Variants in HIVEP1 observed in about 807,000 individuals in gnomAD.
The protein encoded by HIVEP1 is HIVEP zinc finger 1.
A neutral mutation model predicts 180.0 loss-of-function variants in HIVEP1; 36 were observed. The ratio of observed to expected loss-of-function variants is 0.20; its 90% CI spans 0.15 to 0.26. The LOEUF is 0.26. Among genes scored for constraint, HIVEP1 ranks in the 10% least tolerant of loss-of-function variants. The pLI is 1.00. For synonymous variants in HIVEP1, 1,239 were observed against 1,239.0 expected (o/e 1.00, Z 0.00); for missense variants, 3,143 against 3,268.7 (o/e 0.96, Z 0.94).
chr6:12,035,714 G>A (rs753897970), intron 2 of HIVEP1, among the ~76,000 whole-genome samples: 14 of 152,164 alleles, frequency 9.2e-5, no homozygotes, highest in Non-Finnish European at 1.3e-4. Flanking sequence ...GGAGGGGAAA[G>A]TACTGAAATT....
At chr6:12,194,264 C>A in the HIVEP1 span, among the ~76,000 whole-genome samples, 2 of 151,924 alleles carry the variant, frequency 1.3e-5, no homozygotes, top group African/African-American at 4.8e-5. Flanking sequence ...ATGTGGCTAC[C>A]ATTGGCCAGC....
chr6:12,059,981 C>G (rs1771123821), intron 2 of HIVEP1, among the ~76,000 whole-genome samples: 1 of 152,084 alleles, frequency 6.6e-6, no homozygotes, highest in Admixed American at 6.5e-5. Context: ...TTCTAATTCT[C>G]TTGTATTGTT....
At chr6:12,083,547 T>G (rs58527252) in intron 2 of HIVEP1, among the ~76,000 whole-genome samples, 2,243 of 151,984 alleles carry the variant, frequency 0.015, 42 homozygotes, top group African/African-American at 0.052. Flanking sequence ...TGCTCTAGGG[T>G]TAGGAAAAGA....
rs1385000275 is a variant in HIVEP1 at position 12,164,300 on chromosome 6, A to G, written c.7996A>G (p.Lys2666Glu). The change falls in exon 9 of 9, where the codon AAG (lysine) becomes GAG (glutamate). Residue 2666 changes from lysine (K) to glutamate (E), a missense_variant. Around this residue, in one of 12 missense-constraint regions of HIVEP1, gnomAD observed 595 missense variants for 602.2 expected, o/e 0.99. Coordinates refer to ENST00000379388, the MANE Select transcript of HIVEP1 (RefSeq NM_002114.4). ...QPASTSQPLL[K>E]AHSEVFTKPS... is the part of the protein sequence containing the mutation. The stretch of plus-strand genomic sequence containing the variant: ...AGCGTCCACGTCACAACCTCTGCTG[A>G]AGGCACATTCTGAAGTTTTTACAAA... 2 of 1,614,048 alleles carry G rather than the reference A, an allele frequency of 1.2e-6. No homozygotes were observed. Among genetic ancestry groups the G allele is most frequent in the Non-Finnish European group, 1.7e-6 (2 of 1,180,020 alleles).
rs764506675 is a variant in HIVEP1 at position 12,163,722 on chromosome 6, G to A, written c.7418G>A (p.Arg2473His). 1.0e-4 allele frequency: 162 copies of A among 1,613,938 alleles called. No homozygotes were observed. The highest frequency in any genetic ancestry group is 4.9e-4 in the Middle Eastern group (3 of 6,084). Residue 2473 changes from arginine (R) to histidine (H), a missense_variant, in exon 9 of 9, where the codon CGC (arginine) becomes CAC (histidine). Physicochemically the swap from Arg to His is conservative, Grantham distance 29. Transcript: ENST00000379388. The stretch of plus-strand genomic sequence containing the variant: ...CCATGTATTCCTATCGGCCAAATCC[G>A]CGTGCCAGGCCTTCAGAACCTAAGT... ...VVPCIPIGQIRVPGLQNLSTP... is the reference protein window; with the variant it reads ...VVPCIPIGQIHVPGLQNLSTP...
At chr6:12,066,545 A>G (rs1771601219) in intron 2 of HIVEP1, among the ~76,000 whole-genome samples, 1 of 152,220 alleles carries the variant, frequency 6.6e-6, no homozygotes, top group African/African-American at 2.4e-5. Flanking sequence ...ATTTTTGGCC[A>G]GAGTCCTTGG....
Position 12,164,614 on chromosome 6 carries a change from A to T in HIVEP1, c.*153A>T. On this transcript the variant is annotated 3_prime_UTR_variant, in exon 9 of 9. Coordinates refer to ENST00000379388, the MANE Select transcript of HIVEP1 (RefSeq NM_002114.4). ...TGACCAATAATTGTTGTTTTGTGTCAGCTCCAGCCATTTTTGTACATGTTG... is the reference window on the plus strand; with the variant it reads ...TGACCAATAATTGTTGTTTTGTGTCTGCTCCAGCCATTTTTGTACATGTTG... The T allele has an allele frequency of 1.6e-6, 1 of 641,136 alleles. No homozygotes were observed. The allele number at this position is 641,136 out of a possible 1,614,324, so 39.7% of individuals were successfully genotyped here.
chr6:12,100,372 G>A lies in HIVEP1; in HGVS notation c.94+11135G>A, dbSNP rs144443365. Among the ~76,000 whole-genome samples, 398 of 152,312 alleles carry A rather than the reference G, an allele frequency of 2.6e-3. 2 individuals are homozygous for A. The highest frequency in any genetic ancestry group is 9.3e-3 in the African/African-American group (388 of 41,548). ...CCACCATGGATGATTTCAACCTACC[G>A]AATGGTTGCGGCTTGCAGAATTCCT... On this transcript the variant is annotated intron_variant, in intron 3 of 8. Transcript: ENST00000379388.
intron 2 of HIVEP1, among the ~76,000 whole-genome samples, chr6:12,017,029 G>C (rs1767811024): frequency 6.6e-6 from 1 of 152,202 alleles, no homozygotes; most frequent in Non-Finnish European, 1.5e-5. Flanking sequence ...CCAAATATTT[G>C]TTGAAGGAAC....
chr6:12,072,075 T>C (rs1772007875), intron 2 of HIVEP1, among the ~76,000 whole-genome samples: 1 of 141,600 alleles, frequency 7.1e-6, no homozygotes, highest in African/African-American at 2.7e-5. Flanking sequence ...CTTTGTCACA[T>C]ATTCTTCTTC....
intron 2 of HIVEP1, among the ~76,000 whole-genome samples, chr6:12,016,092 A>G (rs13219383): frequency 6.6e-6 from 1 of 152,194 alleles, no homozygotes; most frequent in Non-Finnish European, 1.5e-5. Context: ...AGTTAGATTA[A>G]CAAGATAAGA....
intron 2 of HIVEP1, among the ~76,000 whole-genome samples, chr6:12,049,652 T>C (rs1289196312): frequency 1.3e-5 from 2 of 152,206 alleles, no homozygotes; most frequent in Non-Finnish European, 2.9e-5. Context: ...ATAAATGCTA[T>C]TTATATGTAG....
At chr6:12,089,647 G>C (rs1340411160) in intron 3 of HIVEP1, among the ~76,000 whole-genome samples, 1 of 151,620 alleles carries the variant, frequency 6.6e-6, no homozygotes, top group Admixed American at 6.6e-5. Flanking sequence ...AACTAAAACA[G>C]CCTGAATACC....
chr6:12,174,325 A>AT, the HIVEP1 span, among the ~76,000 whole-genome samples: 1 of 152,114 alleles, frequency 6.6e-6, no homozygotes, highest in African/African-American at 2.4e-5. Flanking sequence ...TCTAAAATTT[A>AT]TTTTTTTTAA....
At chr6:12,056,565 C>G (rs961076185) in intron 2 of HIVEP1, among the ~76,000 whole-genome samples, 2 of 152,070 alleles carry the variant, frequency 1.3e-5, no homozygotes, top group South Asian at 4.1e-4. Context: ...GGGGATTTGT[C>G]TAATTAGATT....
intron 3 of HIVEP1, among the ~76,000 whole-genome samples, chr6:12,109,140 C>T (rs993365645): frequency 7.0e-6 from 1 of 143,554 alleles, no homozygotes; most frequent in Admixed American, 7.0e-5. Flanking sequence ...CCACCACGCC[C>T]GGCTAATTTT....
Position 12,119,963 on chromosome 6 carries a change from G to A in HIVEP1, c.168G>A (p.Glu56=). 1.2e-6 allele frequency: 2 copies of A among 1,610,800 alleles called. No homozygotes were observed. Among genetic ancestry groups the A allele is most frequent in the South Asian group, 2.2e-5 (2 of 90,202 alleles). The change falls in exon 4 of 9, where the codon GAG becomes GAA. Residue 56 remains glutamate (E), a synonymous_variant. Coordinates refer to ENST00000379388, the MANE Select transcript of HIVEP1 (RefSeq NM_002114.4). Reference sequence around the variant, plus strand: ...TGAAACGCAAAAAGATCGTAGCTGAGAATCACCTGAAAAAAATACCAAAAT... The same window carrying A: ...TGAAACGCAAAAAGATCGTAGCTGAAAATCACCTGAAAAAAATACCAAAAT... ...KGVKRKKIVA[E]NHLKKIPKSP...
chr6:12,077,436 G>C (rs912440553), intron 2 of HIVEP1, among the ~76,000 whole-genome samples: 2 of 152,204 alleles, frequency 1.3e-5, no homozygotes, highest in Admixed American at 6.5e-5. Flanking sequence ...CTGGACAGGA[G>C]CTCTGAAGTC....
At chr6:12,129,672 C>T (rs1478973814) in intron 4 of HIVEP1, 87 bp from the exon 5 acceptor site, 1 of 1,091,092 alleles carries the variant, frequency 9.2e-7, no homozygotes, top group African/African-American at 1.5e-5. Context: ...ATGCTCTGTA[C>T]TCTGCCATGT....
Sources: gnomAD v4.1 joint callset for allele counts (sites outside exome capture counted in the v4.1 genomes callset) on GRCh38, gnomAD v4.1.1 for gene constraint, gnomAD v4.1.1 regional missense constraint, MANE v1.5 for transcripts, NCBI Gene and HGNC (gene_info 2026-07-23, HGNC 2026-07-21) for gene names.